The following PDE11A variants were observed in gnomAD, a reference collection of about 807,000 sequenced individuals.
The protein encoded by PDE11A is dual 3',5'-cyclic-AMP and -GMP phosphodiesterase 11A.
In PDE11A, 100 loss-of-function variants were observed where a neutral mutation model predicts 100.5. The ratio of observed to expected loss-of-function variants is 1.00; its 90% confidence interval spans 0.85 to 1.18. PDE11A has a LOEUF of 1.18. Ranked by LOEUF, PDE11A falls within the 50% of genes most tolerant of loss-of-function variation. PDE11A has a pLI of 0.00. For missense variants in PDE11A, 1,141 were observed against 1,152.6 expected, an observed-to-expected ratio of 0.99 and a Z score of 0.15; for synonymous variants, 381 against 420.8, an observed-to-expected ratio of 0.91 and a Z score of 1.16.
At chr2:177,783,041 G>C (rs190617785) in intron 9 of PDE11A, among the ~76,000 whole-genome samples, 1 of 152,094 alleles carries the variant, frequency 6.6e-6, no homozygotes, top group Non-Finnish European at 1.5e-5. Context: ...CATTAATCTC[G>C]TACAGTCTCA....
intron 9 of PDE11A, among the ~76,000 whole-genome samples, chr2:177,777,339 C>T (rs542761057): frequency 1.3e-5 from 2 of 152,084 alleles, no homozygotes; most frequent in East Asian, 3.9e-4. Flanking sequence ...TCTATGGAGG[C>T]CATTGAAGGA....
At chr2:178,022,283 G>T (rs2086422547) in intron 1 of PDE11A, among the ~76,000 whole-genome samples, 2 of 152,112 alleles carry the variant, frequency 1.3e-5, no homozygotes, top group African/African-American at 4.8e-5. Flanking sequence ...AAGTGAAAAT[G>T]ACTCCATATT....
chr2:177,795,692 C>T (rs2082696040), intron 9 of PDE11A, among the ~76,000 whole-genome samples: 1 of 151,622 alleles, frequency 6.6e-6, no homozygotes, highest in Admixed American at 6.6e-5. Flanking sequence ...TGATAATTTA[C>T]ATATTTATGG....
intron 6 of PDE11A, among the ~76,000 whole-genome samples, chr2:177,832,335 C>A (rs1206032575): frequency 6.6e-6 from 1 of 152,098 alleles, no homozygotes; most frequent in East Asian, 1.9e-4. Flanking sequence ...CAGCTGCCAG[C>A]ACAGATAGAA....
At chr2:177,758,089 G>A (rs570567669) in intron 10 of PDE11A, among the ~76,000 whole-genome samples, 2 of 151,022 alleles carry the variant, frequency 1.3e-5, no homozygotes, top group African/African-American at 4.9e-5. Flanking sequence ...AAGGTCAGGA[G>A]ATCGAGACCA....
intron 5 of PDE11A, among the ~76,000 whole-genome samples, chr2:177,840,683 A>G (rs983700945): frequency 6.6e-6 from 1 of 152,230 alleles, no homozygotes; most frequent in African/African-American, 2.4e-5. Flanking sequence ...AAAATTAACA[A>G]TAAGACACCA....
intron 1 of PDE11A, among the ~76,000 whole-genome samples, chr2:178,033,897 C>G (rs752436040): frequency 6.6e-6 from 1 of 152,142 alleles, no homozygotes; most frequent in Non-Finnish European, 1.5e-5. Flanking sequence ...CTGAAGGAAG[C>G]ACTAAATATG....
chr2:177,765,136 C>G (rs2082220552), intron 10 of PDE11A, among the ~76,000 whole-genome samples: 2 of 152,118 alleles, frequency 1.3e-5, no homozygotes, highest in Admixed American at 1.3e-4. Context: ...GAAATTTTTC[C>G]CAACAGAAGT....
intron 19 of PDE11A, among the ~76,000 whole-genome samples, chr2:177,639,227 A>G (rs1215334398): frequency 6.6e-6 from 1 of 152,160 alleles, no homozygotes; most frequent in Non-Finnish European, 1.5e-5. Context: ...CCATTGTCTG[A>G]AAAGTGTTGT....
At chr2:178,078,356 G>A (rs2087234215) in intron 2 of PDE11A, among the ~76,000 whole-genome samples, 1 of 151,986 alleles carries the variant, frequency 6.6e-6, no homozygotes, top group South Asian at 2.1e-4. Flanking sequence ...AACCCAACAC[G>A]ATGCATTTAA....
intron 5 of PDE11A, among the ~76,000 whole-genome samples, chr2:177,865,414 T>C (rs971681413): frequency 1.3e-5 from 2 of 152,194 alleles, no homozygotes; most frequent in African/African-American, 4.8e-5. Flanking sequence ...CTGGTGCGAA[T>C]GTAAAATGGT....
chr2:178,018,653 C>A (rs1245475379), intron 1 of PDE11A, among the ~76,000 whole-genome samples: 4 of 152,162 alleles, frequency 2.6e-5, no homozygotes, highest in African/African-American at 9.7e-5. Flanking sequence ...CTCAAGCAAT[C>A]CTCCTGCCTC....
intron 19 of PDE11A, among the ~76,000 whole-genome samples, chr2:177,653,216 G>A (rs760362488): frequency 3.9e-5 from 6 of 152,184 alleles, no homozygotes; most frequent in Non-Finnish European, 7.3e-5. Context: ...GTGCAGAGTC[G>A]TAGGGCATCT....
intron 2 of PDE11A, among the ~76,000 whole-genome samples, chr2:177,943,202 C>T (rs1461304104): frequency 6.6e-6 from 1 of 152,200 alleles, no homozygotes; most frequent in Non-Finnish European, 1.5e-5. Flanking sequence ...AATATCTCTT[C>T]AAGACCCTGC....
intron 2 of PDE11A, among the ~76,000 whole-genome samples, chr2:177,950,346 C>A (rs775162923): frequency 6.6e-5 from 10 of 152,078 alleles, no homozygotes; most frequent in Non-Finnish European, 1.2e-4. Context: ...ACCTTTATAA[C>A]TCACTTTTGC....
intron 2 of PDE11A, among the ~76,000 whole-genome samples, chr2:177,963,094 A>G (rs1671409823): frequency 6.6e-6 from 1 of 152,202 alleles, no homozygotes; most frequent in Admixed American, 6.5e-5. Context: ...AAAATCTGGC[A>G]GTCAGTAGGC....
intron 2 of PDE11A, among the ~76,000 whole-genome samples, chr2:177,928,372 C>G (rs1331137014): frequency 6.6e-6 from 1 of 152,132 alleles, no homozygotes; most frequent in Non-Finnish European, 1.5e-5. Context: ...GTGGTGCACA[C>G]CTGTAGTCTC....
chr2:177,750,189 G>A (rs1195170332), intron 10 of PDE11A, among the ~76,000 whole-genome samples: 1 of 152,184 alleles, frequency 6.6e-6, no homozygotes, highest in Non-Finnish European at 1.5e-5. Context: ...GTAAAGACTT[G>A]CTCTCTGAGT....
At chr2:177,890,411 T>C (rs2084511281) in intron 4 of PDE11A, among the ~76,000 whole-genome samples, 1 of 152,182 alleles carries the variant, frequency 6.6e-6, no homozygotes, top group South Asian at 2.1e-4. Flanking sequence ...CAAGTATACA[T>C]GACTTATTTT....
Sources: gnomAD v4.1 joint callset for allele counts (sites outside exome capture counted in the v4.1 genomes callset) on GRCh38, gnomAD v4.1.1 for gene constraint, MANE v1.5 for transcripts, NCBI Gene and HGNC (gene_info 2026-07-23, HGNC 2026-07-21) for gene names.